WDR87: variants seen among roughly 807,000 people sequenced by gnomAD.
WDR87 encodes the protein WD repeat domain 87.
A neutral mutation model predicts 83.3 loss-of-function variants in WDR87; 56 were observed. That is an observed-to-expected ratio of 0.67 (90% confidence interval 0.54 to 0.84). The LOEUF is 0.84. Among genes scored for constraint, WDR87 ranks in the 40% least tolerant of loss-of-function variants. The pLI is 0.00. For missense variants in WDR87, 2,939 were observed against 3,431.9 expected, an observed-to-expected ratio of 0.86 and a Z score of 3.59; for synonymous variants, 1,173 against 1,250.6, an observed-to-expected ratio of 0.94 and a Z score of 1.31.
At position 37,888,862 on chromosome 19, in the gene WDR87, C is replaced by A; in HGVS notation, c.4809G>T (p.Glu1603Asp). 1.9e-6 allele frequency: 3 copies of A among 1,551,996 alleles called. No homozygotes were observed. Among genetic ancestry groups the A allele is most frequent in the Non-Finnish European group, 2.6e-6 (3 of 1,147,080 alleles). ...TGTGTTCTTCTTGGATGTGTCTCTG[C>A]TCTTCTGTGACCTGCTGTTCTTTTT... is the stretch of plus-strand genomic sequence containing the variant. Reference protein sequence around the residue: ...GEEKEQQVTEEQRHIQEEHKW... With the variant: ...GEEKEQQVTEDQRHIQEEHKW... The change falls in exon 6 of 6, where the codon GAG becomes GAT. Residue 1603 changes from glutamate (E) to aspartate (D), a missense_variant. Around this residue, in one of 3 missense-constraint regions of WDR87, gnomAD observed 2,160 missense variants for 2,533.1 expected, o/e 0.85. Transcript: ENST00000447313.
chr19:37,896,330 A>G (rs1568455501), intron 2 of WDR87, 22 bp from the exon 3 acceptor site: 14 of 1,549,902 alleles, frequency 9.0e-6, no homozygotes, highest in Non-Finnish European at 9.6e-6. Context: ...CGTGGCATAA[A>G]CTAAGAGGCC....
intron 1 of WDR87, 87 bp from the exon 2 acceptor site, chr19:37,898,372 T>G: frequency 7.0e-7 from 1 of 1,435,380 alleles, no homozygotes; most frequent in East Asian, 2.5e-5. Context: ...AACTCATGTT[T>G]ATTGAACACC....
In WDR87 at chr19:37,885,376, C is replaced by T. The variant is rs2080172730; in HGVS notation, c.8295G>A (p.Trp2765Ter). The T allele has an allele frequency of 6.4e-7, 1 of 1,551,832 alleles. No homozygotes were observed. Reference protein sequence around the residue: ...ISKKKEELPLWETFVALYHVL... With the variant: ...ISKKKEELPL ...CATGGTACAGTGCCACAAATGTCTC[C>T]CACAAAGGCAACTCTTCCTTTTTTT... is the stretch of plus-strand genomic sequence containing the variant. The change falls in exon 6 of 6, where the codon TGG becomes TGA. Residue 2765 changes from tryptophan to a stop codon, truncating the protein, a stop_gained. Coordinates refer to ENST00000447313, the MANE Select transcript of WDR87 (RefSeq NM_001291088.2). LOFTEE classifies it low-confidence loss of function (END_TRUNC).
At chr19:37,906,015 T>A (rs755780892) in intron 1 of WDR87, among the ~76,000 whole-genome samples, 63 of 152,274 alleles carry the variant, frequency 4.1e-4, no homozygotes, top group Non-Finnish European at 7.5e-4. Context: ...AAAAATGTGC[T>A]CTCCCAGGAA....
Position 37,889,360 on chromosome 19 carries a change from CT to C in WDR87, c.4310del (p.Lys1437SerfsTer16). 6.4e-7 allele frequency: 1 copy of C among 1,551,754 alleles called. No individual in the cohort carries two copies. Among genetic ancestry groups the C allele is most frequent in the South Asian group, 1.2e-5 (1 of 83,996 alleles). The stretch of plus-strand genomic sequence containing the variant: ...CAGCTTTCCTCCCTTGCTTAGGTGA[CT>C]TCTGAAAGGTTTTCTTCTCTTCTTT... ...SKKEEKKTFQKSPKQGRKAVQ... is the reference protein window; with the variant it reads ...SKKEEKKTFQXSPKQGRKAVQ... On this transcript the variant is annotated frameshift_variant, in exon 6 of 6. Coordinates refer to ENST00000447313, the MANE Select transcript of WDR87 (RefSeq NM_001291088.2). LOFTEE classifies it low-confidence loss of function (END_TRUNC).
chr19:37,889,425 C>G lies in WDR87; in HGVS notation c.4246G>C (p.Glu1416Gln). ...TTTCCCATGGTTACATTACCTGGTT[C>G]TAAAAAAATAACTTTCTTGCCCTTT... ...LKKGKKVIFL[E>Q]PGNVTMGKEI... The change falls in exon 6 of 6, where the codon GAA becomes CAA. Residue 1416 changes from glutamate (E) to glutamine (Q), a missense_variant. Physicochemically the swap from Glu to Gln is conservative, Grantham distance 29 (BLOSUM62 2). This residue lies in a region of WDR87 where 2,160 missense variants were observed against 2,533.1 expected (regional missense o/e 0.85). Transcript: ENST00000447313. 1.9e-6 allele frequency: 3 copies of G among 1,551,844 alleles called. No homozygotes were observed. Among genetic ancestry groups the G allele is most frequent in the Non-Finnish European group, 2.6e-6 (3 of 1,147,048 alleles).
In WDR87 at chr19:37,896,301, G is replaced by A. The variant is rs1349787434; in HGVS notation, c.83C>T (p.Ser28Leu). 3 of 1,551,634 alleles carry A rather than the reference G, an allele frequency of 1.9e-6. No homozygotes were observed. The highest frequency in any genetic ancestry group is 2.4e-5 in the East Asian group (1 of 40,924). The change falls in exon 3 of 6, where the codon TCG (serine) becomes TTG (leucine). Residue 28 changes from serine to leucine, a missense_variant. By Grantham distance (145) the Ser-to-Leu change is moderately radical. Coordinates refer to ENST00000447313, the MANE Select transcript of WDR87 (RefSeq NM_001291088.2). ...NDTINKSKQP[S>L]EDPKNCLIVL... Reference sequence around the variant, plus strand: ...AATCAGGCAGTTCTTTGGGTCTTCCGAAGGTTGCTGGAGAGAGGCGTGGCA... The same window carrying A: ...AATCAGGCAGTTCTTTGGGTCTTCCAAAGGTTGCTGGAGAGAGGCGTGGCA...
chr19:37,887,233 C>T lies in WDR87; in HGVS notation c.6438G>A (p.Lys2146=), dbSNP rs933280464. Reference sequence around the variant, plus strand: ...TCTGTTCTATACTCAACCTGCGCTCCTTAACAAAGAGTGCCCTCTTCATCT... The same window carrying T: ...TCTGTTCTATACTCAACCTGCGCTCTTTAACAAAGAGTGCCCTCTTCATCT... ...MTKMKRALFV[K]ERRLSIEQSK... Residue 2146 remains lysine (K), a synonymous_variant, in exon 6 of 6, where the codon AAG becomes AAA. Coordinates refer to ENST00000447313, the MANE Select transcript of WDR87 (RefSeq NM_001291088.2). 6.4e-7 allele frequency: 1 copy of T among 1,551,726 alleles called. No individual in the cohort carries two copies. The highest frequency in any genetic ancestry group is 8.7e-7 in the Non-Finnish European group (1 of 1,147,026).
chr19:37,885,699 C>T lies in WDR87; in HGVS notation c.7972G>A (p.Val2658Ile), dbSNP rs932347615. The T allele has an allele frequency of 1.3e-6, 2 of 1,551,720 alleles. No individual in the cohort carries two copies. Among genetic ancestry groups the T allele is most frequent in the Admixed American group, 2.0e-5 (1 of 50,996 alleles). The change falls in exon 6 of 6, where the codon GTC (valine) becomes ATC (isoleucine). Residue 2658 changes from valine (V) to isoleucine (I), a missense_variant. By Grantham distance (29) the Val-to-Ile change is conservative. Coordinates refer to ENST00000447313, the MANE Select transcript of WDR87 (RefSeq NM_001291088.2). The stretch of plus-strand genomic sequence containing the variant: ...GCTAATGGGGACTTTTGTGTGGGGA[C>T]AGCCAAAGGTTTTGGCCAGCTCTCC... ...EKESWPKPLA[V>I]PTQKSPLATK...
chr19:37,896,423 T>C, intron 2 of WDR87, 115 bp from the exon 3 acceptor site: 3 of 1,051,898 alleles, frequency 2.9e-6, no homozygotes, highest in Non-Finnish European at 2.6e-6. Context: ...CCGAAGGACC[T>C]ACTCCTGTTA....
rs1181416468 is a variant in WDR87, at chr19:37,885,599, T to C, written c.8072A>G (p.Gln2691Arg). 1 of 1,551,790 alleles carries C rather than the reference T, an allele frequency of 6.4e-7. No homozygotes were observed. Among genetic ancestry groups the C allele is most frequent in the East Asian group, 2.4e-5 (1 of 40,924 alleles). ...LGEPYRSERA[Q>R]QISIAHKEME... ...CTCCTTGTGAGCAATGGATATCTGC[T>C]GTGCCCTCTCACTTCTGTAAGGTTC... The change falls in exon 6 of 6, where the codon CAG (glutamine) becomes CGG (arginine). Residue 2691 changes from glutamine (Q) to arginine (R), a missense_variant. Gln to Arg is a conservative substitution (Grantham distance 43, BLOSUM62 1). Coordinates refer to ENST00000447313, the MANE Select transcript of WDR87 (RefSeq NM_001291088.2).
chr19:37,885,891 C>G lies in WDR87; in HGVS notation c.7780G>C (p.Asp2594His), dbSNP rs1568447727. 1 of 1,552,318 alleles carries G rather than the reference C, an allele frequency of 6.4e-7. No homozygotes were observed. The highest frequency in any genetic ancestry group is 2.4e-5 in the East Asian group (1 of 40,926). ...TCTAAGTTTCCCTTTGAGGCAAGGT[C>G]TTTGAGCAGCTGGCACAGTCTATGG... is the stretch of plus-strand genomic sequence containing the variant. ...GFHRLCQLLK[D>H]LASKGNLEWL... The change falls in exon 6 of 6, where the codon GAC becomes CAC. Residue 2594 changes from aspartate (D) to histidine (H), a missense_variant. Asp to His is a moderately conservative substitution (Grantham distance 81, BLOSUM62 -1). This residue lies in a region of WDR87 where 2,160 missense variants were observed against 2,533.1 expected (regional missense o/e 0.85). Coordinates refer to ENST00000447313, the MANE Select transcript of WDR87 (RefSeq NM_001291088.2).
chr19:37,895,587 G>A, intron 3 of WDR87, 131 bp from the exon 4 acceptor site: 1 of 753,750 alleles, frequency 1.3e-6, no homozygotes, highest in South Asian at 1.9e-5. Context: ...GGCCAACATG[G>A]TGAAACCCCA....
chr19:37,903,907 TTTTTG>T lies in WDR87; in HGVS notation c.-47+2587_-47+2591del, dbSNP rs550422650. On this transcript the variant is annotated intron_variant, in intron 1 of 5. Coordinates refer to ENST00000447313, the MANE Select transcript of WDR87 (RefSeq NM_001291088.2). ...CCTGTAATTAAACAACCTTTTTTGT[TTTTTG>T]TTTTGTTTTGTTTTGAGTCGGAGTC... is the stretch of plus-strand genomic sequence containing the variant. 2.4e-4 allele frequency among the ~76,000 whole-genome samples: 36 copies of T among 152,114 alleles called. No individual in the cohort carries two copies. The East Asian group carries it at 5.4e-3, about 23-fold the overall frequency.
chr19:37,886,506 A>G lies in WDR87; in HGVS notation c.7165T>C (p.Phe2389Leu). ...TTTCTTCTTTGTTCTTGTAACTTAA[A>G]TTGTTTTTCTTTTTTTAAGATCTCT... ...EKEILKKEKQ[F>L]KLQEQRRKSL... The change falls in exon 6 of 6, where the codon TTT becomes CTT. Residue 2389 changes from phenylalanine to leucine, a missense_variant. By Grantham distance (22) the Phe-to-Leu change is conservative. Coordinates refer to ENST00000447313, the MANE Select transcript of WDR87 (RefSeq NM_001291088.2). 1.3e-6 allele frequency: 2 copies of G among 1,506,954 alleles called. No homozygotes were observed. Among genetic ancestry groups the G allele is most frequent in the Non-Finnish European group, 1.8e-6 (2 of 1,133,660 alleles). The allele number at this position is 1,506,954 out of a possible 1,614,324, so 93.3% of individuals were successfully genotyped here. A position where few individuals can be genotyped will look rare whatever the true frequency, so the allele number is the denominator to read the frequency against.
At chr19:37,891,190 G>C (rs1355704902) in intron 5 of WDR87, among the ~76,000 whole-genome samples, 1 of 142,174 alleles carries the variant, frequency 7.0e-6, no homozygotes, top group Non-Finnish European at 1.5e-5. Flanking sequence ...TTGAGATGGA[G>C]TTTCGCTCTG....
rs775593135 is a variant in WDR87, at chr19:37,888,595, C to T, written c.5076G>A (p.Gln1692=). 2.2e-5 allele frequency: 34 copies of T among 1,551,838 alleles called. No homozygotes were observed. The South Asian group carries it at 3.9e-4, about 18-fold the overall frequency. ...TTTTCTGGGCCAATTTCTCCGCCTC[C>T]TGGCTTAGCTTCTCCCCTCTTTGGG... ...TLAQRGEKLS[Q]EAEKLAQKRK... is the part of the protein sequence containing the mutation. The change falls in exon 6 of 6, where the codon CAG becomes CAA. Residue 1692 remains glutamine (Q), a synonymous_variant. Coordinates refer to ENST00000447313, the MANE Select transcript of WDR87 (RefSeq NM_001291088.2).
At chr19:37,896,957 T>C (rs1187655327) in intron 2 of WDR87, among the ~76,000 whole-genome samples, 1 of 152,122 alleles carries the variant, frequency 6.6e-6, no homozygotes, top group East Asian at 1.9e-4. Flanking sequence ...AAGGTACATG[T>C]ACCATAAAAG....
chr19:37,889,509 GTTC>G lies in WDR87; in HGVS notation c.4159_4161del (p.Glu1387del), dbSNP rs751151118. ...ATGTCTCTTGCTTTCTTTTGTGCTT[GTTC>G]TTCTTCCCTTGGCATCACTTCCTTG... On this transcript the variant is annotated inframe_deletion, in exon 6 of 6. Coordinates refer to ENST00000447313, the MANE Select transcript of WDR87 (RefSeq NM_001291088.2). 617 of 1,551,676 alleles carry G rather than the reference GTTC, an allele frequency of 4.0e-4. 1 individual carries two copies. The African/African-American group carries it at 6.3e-3, about 16-fold the overall frequency.
Sources: gnomAD v4.1 joint callset for allele counts (sites outside exome capture counted in the v4.1 genomes callset) on GRCh38, gnomAD v4.1.1 for gene constraint, gnomAD v4.1.1 regional missense constraint, MANE v1.5 for transcripts, NCBI Gene and HGNC (gene_info 2026-07-23, HGNC 2026-07-21) for gene names.